Variants in PKIB observed in about 807,000 individuals in gnomAD.
PKIB encodes PKI-beta.
Under a neutral mutation model 4.5 loss-of-function variants are expected in PKIB, and 2 were observed. The observed-to-expected ratio is 0.44, with a 90% CI of 0.18 to 1.39. PKIB has a LOEUF of 1.39. PKIB is among the 40% of genes most tolerant of loss of function. The probability of loss-of-function intolerance (pLI) is 0.27; values close to 1 mark genes in which losing one functional copy is unlikely to be tolerated. For synonymous variants in PKIB, 38 were observed against 36.0 expected (o/e 1.06, Z -0.20); for missense variants, 94 against 92.6 (o/e 1.02, Z -0.06).
At chr6:122,518,626 T>C (rs1776836104) in intron 2 of PKIB, among the ~76,000 whole-genome samples, 1 of 151,890 alleles carries the variant, frequency 6.6e-6, no homozygotes, top group African/African-American at 2.4e-5. Flanking sequence ...GAGAAGGTGC[T>C]GAGAGGGCCT....
chr6:122,495,255 A>T (rs1007985350), intron 2 of PKIB, among the ~76,000 whole-genome samples: 10 of 152,252 alleles, frequency 6.6e-5, no homozygotes, highest in African/African-American at 2.2e-4. Context: ...GGGAAGTGCA[A>T]GTGTATCACA....
chr6:122,551,716 A>G (rs760720858), intron 2 of PKIB, among the ~76,000 whole-genome samples: 1 of 151,992 alleles, frequency 6.6e-6, no homozygotes, highest in Non-Finnish European at 1.5e-5. Flanking sequence ...GTTTATGTTC[A>G]CTTTTCCACC....
intron 2 of PKIB, among the ~76,000 whole-genome samples, chr6:122,647,104 AGGAATGG>A (rs1243551615): frequency 6.6e-6 from 1 of 152,210 alleles, no homozygotes; most frequent in East Asian, 1.9e-4. Flanking sequence ...ACTTATTGTG[AGGAATGG>A]GCTTAAGGAA....
At chr6:122,499,480 A>C (rs1257345607) in intron 2 of PKIB, among the ~76,000 whole-genome samples, 1 of 152,152 alleles carries the variant, frequency 6.6e-6, no homozygotes, top group Non-Finnish European at 1.5e-5. Flanking sequence ...CTCAGTAGAC[A>C]CAGAAAAAAT....
chr6:122,556,918 A>G (rs1382559538), intron 2 of PKIB, among the ~76,000 whole-genome samples: 1 of 152,230 alleles, frequency 6.6e-6, no homozygotes, highest in Non-Finnish European at 1.5e-5. Context: ...AGTAATATAT[A>G]CAAGACCAGG....
chr6:122,537,216 T>C (rs1374472033), intron 2 of PKIB, among the ~76,000 whole-genome samples: 1 of 152,140 alleles, frequency 6.6e-6, no homozygotes, highest in African/African-American at 2.4e-5. Flanking sequence ...GTGCACAATG[T>C]GCAGGTTTGT....
At chr6:122,565,933 T>C (rs1292463232) in intron 2 of PKIB, among the ~76,000 whole-genome samples, 1 of 152,220 alleles carries the variant, frequency 6.6e-6, no homozygotes, top group Non-Finnish European at 1.5e-5. Flanking sequence ...TTTACCTCTG[T>C]TTTCCTTTGA....
At chr6:122,493,421 T>C (rs957829768) in intron 2 of PKIB, 3 of 152,222 alleles carry the variant, frequency 2.0e-5, no homozygotes, top group Admixed American at 6.5e-5. Context: ...ATTTCTGTTG[T>C]TTATAAGATA....
At chr6:122,698,792 C>T (rs938210951) in intron 3 of PKIB, among the ~76,000 whole-genome samples, 2 of 152,134 alleles carry the variant, frequency 1.3e-5, no homozygotes, top group African/African-American at 4.8e-5. Context: ...TATGTTGTCT[C>T]CAGAACCCAA....
chr6:122,716,138 TA>T (rs1239655047), intron 3 of PKIB, among the ~76,000 whole-genome samples: 2 of 152,174 alleles, frequency 1.3e-5, no homozygotes, highest in East Asian at 3.8e-4. Flanking sequence ...GGTGGTAGAA[TA>T]AAGAACATTT....
intron 2 of PKIB, among the ~76,000 whole-genome samples, chr6:122,494,518 T>A (rs1776024469): frequency 6.6e-6 from 1 of 152,156 alleles, no homozygotes; most frequent in African/African-American, 2.4e-5. Flanking sequence ...AAATACCCCC[T>A]TGGGAAATAC....
At chr6:122,653,466 A>G (rs1776646073) in intron 2 of PKIB, among the ~76,000 whole-genome samples, 1 of 152,086 alleles carries the variant, frequency 6.6e-6, no homozygotes, top group South Asian at 2.1e-4. Flanking sequence ...GCAGGTGCCA[A>G]TCTACAGCTG....
chr6:122,690,930 A>ATTT (rs1287193423), intron 3 of PKIB, among the ~76,000 whole-genome samples: 33 of 131,122 alleles, frequency 2.5e-4, no homozygotes, highest in African/African-American at 9.6e-4. Context: ...ATATATATAT[A>ATTT]TATTTTTTTT....
chr6:122,665,309 T>G (rs1777175229), intron 2 of PKIB, among the ~76,000 whole-genome samples: 1 of 152,234 alleles, frequency 6.6e-6, no homozygotes, highest in Non-Finnish European at 1.5e-5. Context: ...AGATAATGCT[T>G]AAGAGTCACT....
At chr6:122,658,562 GT>G (rs1776861552) in intron 2 of PKIB, among the ~76,000 whole-genome samples, 1 of 151,910 alleles carries the variant, frequency 6.6e-6, no homozygotes, top group Admixed American at 6.6e-5. Flanking sequence ...TGAAATTGTT[GT>G]TTTCATAATG....
chr6:122,709,810 T>C (rs555205653), intron 3 of PKIB, among the ~76,000 whole-genome samples: 1 of 152,280 alleles, frequency 6.6e-6, no homozygotes, highest in Non-Finnish European at 1.5e-5. Flanking sequence ...TGTCCATGTG[T>C]ATAACCATCA....
chr6:122,576,938 T>C (rs1773561186), intron 2 of PKIB, among the ~76,000 whole-genome samples: 1 of 151,974 alleles, frequency 6.6e-6, no homozygotes, highest in South Asian at 2.1e-4. Context: ...ATGGTGGATC[T>C]AAAGAATTCC....
chr6:122,536,063 C>T (rs1228340351), intron 2 of PKIB, among the ~76,000 whole-genome samples: 2 of 152,128 alleles, frequency 1.3e-5, no homozygotes, highest in Admixed American at 1.3e-4. Context: ...CCTCAGCCTC[C>T]CAAGTAGCTG....
chr6:122,549,956 C>A (rs1255105988), intron 2 of PKIB, among the ~76,000 whole-genome samples: 5 of 150,914 alleles, frequency 3.3e-5, no homozygotes, highest in Non-Finnish European at 7.4e-5. Context: ...GCTCTGTCAC[C>A]CAGGCTGGAA....
Sources: allele counts gnomAD v4.1 joint callset (sites outside exome capture counted in the v4.1 genomes callset), GRCh38; gene constraint gnomAD v4.1.1; transcripts MANE v1.5; gene names NCBI Gene and HGNC (gene_info 2026-07-23, HGNC 2026-07-21).